The following KCMF1 variants were observed in gnomAD, a reference collection of about 807,000 sequenced individuals.
The protein encoded by KCMF1 is potassium channel modulatory factor 1.
Under a neutral mutation model 41.1 loss-of-function variants are expected in KCMF1, and 3 were observed. The ratio of observed to expected loss-of-function variants is 0.07; its 90% CI spans 0.03 to 0.19. The LOEUF (loss-of-function observed/expected upper bound fraction) is 0.19, where lower values mean the gene tolerates loss of function less well. KCMF1 is among the 10% of genes least tolerant of loss of function. The pLI is 1.00. For missense variants in KCMF1, 286 were observed against 488.9 expected (o/e 0.58, Z 3.91); for synonymous variants, 142 against 164.5 (o/e 0.86, Z 1.04).
intron 1 of KCMF1, among the ~76,000 whole-genome samples, chr2:84,987,277 A>G (rs1163924231): frequency 6.6e-6 from 1 of 152,222 alleles, no homozygotes; most frequent in Non-Finnish European, 1.5e-5. Flanking sequence ...AAAGGGAACA[A>G]TGAAAATTGG....
rs939703742 is a variant in KCMF1, at chr2:85,056,530, T to C, written c.*3121T>C. On this transcript the variant is annotated 3_prime_UTR_variant, in exon 7 of 7. Coordinates refer to ENST00000409785, the MANE Select transcript of KCMF1 (RefSeq NM_020122.5). ...TATATTTACTCCATGGATGTTGGGG[T>C]AAGCACATATATCAATAGTTCATAG... 3.4e-4 allele frequency: 52 copies of C among 152,142 alleles called. No homozygotes were observed. Among genetic ancestry groups the C allele is most frequent in the African/African-American group, 1.3e-3 (52 of 41,398 alleles). The allele number at this position is 152,142 out of a possible 1,614,324, so 9.4% of individuals were successfully genotyped here.
rs1238989382 is a variant in KCMF1, at chr2:85,059,362, G to A, written c.*5953G>A. 2 of 152,108 alleles carry A rather than the reference G, an allele frequency of 1.3e-5. No individual in the cohort carries two copies. Among genetic ancestry groups the A allele is most frequent in the Admixed American group, 6.5e-5 (1 of 15,272 alleles). The allele number at this position is 152,108 out of a possible 1,614,324, so 9.4% of individuals were successfully genotyped here. On this transcript the variant is annotated 3_prime_UTR_variant, in exon 7 of 7. Transcript: ENST00000409785. ...TTAGAATAAATTGCATATTGTATCA[G>A]GCTCCGAGACTAATTTGTACTGAAC...
chr2:84,993,342 C>T (rs1211530167), intron 1 of KCMF1, among the ~76,000 whole-genome samples: 2 of 152,120 alleles, frequency 1.3e-5, no homozygotes, highest in South Asian at 2.1e-4. Flanking sequence ...GAGCTCATCA[C>T]GACTGAGTAG....
chr2:85,011,734 C>G (rs904666508), intron 1 of KCMF1, among the ~76,000 whole-genome samples: 1 of 152,072 alleles, frequency 6.6e-6, no homozygotes, highest in African/African-American at 2.4e-5. Context: ...GAGTGTAAAC[C>G]GGAAGCAAGC....
Position 84,982,389 on chromosome 2 carries a change from C to CTTTTTTTTTTTTTTTTTTT in KCMF1, c.16+10937_16+10955dup, listed in dbSNP as rs34687477. Among the ~76,000 whole-genome samples the CTTTTTTTTTTTTTTTTTTT allele has an allele frequency of 1.0e-3, 49 of 47,270 alleles. 6 individuals carry two copies. The highest frequency in any genetic ancestry group is 4.1e-3 in the African/African-American group (46 of 11,244). The allele number at this position is 47,270 out of a possible 152,430, so 31.0% of individuals were successfully genotyped here. A position where few individuals can be genotyped will look rare whatever the true frequency, so the allele number is the denominator to read the frequency against. ...GAGTTACAGATGTGTTCCTTATTTT[C>CTTTTTTTTTTTTTTTTTTT]TTTTTTTTTTTTTTTTTTTTTTTTT... On this transcript the variant is annotated intron_variant, in intron 1 of 6. Transcript: ENST00000409785.
chr2:84,995,407 C>T (rs1344601927), intron 1 of KCMF1, among the ~76,000 whole-genome samples: 1 of 152,014 alleles, frequency 6.6e-6, no homozygotes, highest in Non-Finnish European at 1.5e-5. Context: ...AGGTTTTTGT[C>T]TTTGGTAAGA....
intron 4 of KCMF1, 38 bp from the exon 5 acceptor site, chr2:85,046,066 G>A (rs1341976259): frequency 6.5e-7 from 1 of 1,546,352 alleles, no homozygotes; most frequent in South Asian, 1.2e-5. Flanking sequence ...TTTTCTTTCT[G>A]TGAAATACTT....
intron 3 of KCMF1, among the ~76,000 whole-genome samples, chr2:85,036,867 T>C (rs1675414403): frequency 6.7e-6 from 1 of 148,934 alleles, no homozygotes; most frequent in Non-Finnish European, 1.5e-5. Flanking sequence ...TAATTGATAA[T>C]ATTTATTATT....
chr2:85,021,392 G>A (rs1312442790), intron 1 of KCMF1, among the ~76,000 whole-genome samples: 2 of 152,226 alleles, frequency 1.3e-5, no homozygotes, highest in Non-Finnish European at 2.9e-5. Context: ...GGGAGGCCAA[G>A]GCGGGCGGAT....
At chr2:84,995,352 A>T (rs1674150372) in intron 1 of KCMF1, among the ~76,000 whole-genome samples, 1 of 152,146 alleles carries the variant, frequency 6.6e-6, no homozygotes, top group African/African-American at 2.4e-5. Context: ...TTGCTATGAT[A>T]GATATGTTCA....
At position 85,046,126 on chromosome 2, in the gene KCMF1, A is replaced by G; in HGVS notation, c.449A>G (p.His150Arg). The change falls in exon 5 of 7, where the codon CAT becomes CGT. Residue 150 changes from histidine (H) to arginine (R), a missense_variant. Around this residue, in one of 2 missense-constraint regions of KCMF1, gnomAD observed 95 missense variants for 209.6 expected, o/e 0.45. Coordinates refer to ENST00000409785, the MANE Select transcript of KCMF1 (RefSeq NM_020122.5). The part of the protein sequence containing the change: ...RDLDESSGVR[H>R]VRRMFHPGRG... The stretch of plus-strand genomic sequence containing the variant: ...TATGATGAATCGAGTGGTGTTCGAC[A>G]TGTACGTAGAATGTTTCACCCTGGC... The G allele has an allele frequency of 1.2e-6, 2 of 1,613,458 alleles. No individual in the cohort carries two copies. The highest frequency in any genetic ancestry group is 8.5e-7 in the Non-Finnish European group (1 of 1,179,686).
chr2:85,016,314 AGTCT>A (rs903514682), intron 1 of KCMF1, among the ~76,000 whole-genome samples: 14 of 152,028 alleles, frequency 9.2e-5, no homozygotes, highest in African/African-American at 3.4e-4. Context: ...TCTCCTCTTG[AGTCT>A]GTCCCTTAAA....
chr2:85,048,906 T>G (rs1374805303), intron 5 of KCMF1, among the ~76,000 whole-genome samples: 1 of 152,174 alleles, frequency 6.6e-6, no homozygotes, highest in East Asian at 1.9e-4. Flanking sequence ...ATCCTAATAA[T>G]TCATTCAGTC....
chr2:84,974,672 TA>T (rs1673489123), intron 1 of KCMF1, among the ~76,000 whole-genome samples: 1 of 37,776 alleles, frequency 2.6e-5, no homozygotes, highest in Non-Finnish European at 5.3e-5. Context: ...TATATATATA[TA>T]TATATATATA....
At chr2:84,992,522 C>T (rs954427147) in intron 1 of KCMF1, among the ~76,000 whole-genome samples, 7 of 152,160 alleles carry the variant, frequency 4.6e-5, no homozygotes, top group African/African-American at 1.4e-4. Flanking sequence ...CGTTTTGGCT[C>T]TTAGTAACCA....
intron 4 of KCMF1, among the ~76,000 whole-genome samples, chr2:85,044,902 T>C (rs1441884978): frequency 6.6e-6 from 1 of 152,228 alleles, no homozygotes; most frequent in Non-Finnish European, 1.5e-5. Context: ...ACCAGAGCGA[T>C]TAATTTTGTG....
chr2:85,046,310 G>A, intron 5 of KCMF1, 32 bp downstream of exon 5: 2 of 1,576,368 alleles, frequency 1.3e-6, no homozygotes, highest in Admixed American at 1.8e-5. Context: ...AAGGGAAATG[G>A]CAGGGGAAGG....
intron 1 of KCMF1, among the ~76,000 whole-genome samples, chr2:85,018,019 A>G (rs1407305694): frequency 6.6e-6 from 1 of 152,166 alleles, no homozygotes; most frequent in East Asian, 1.9e-4. Flanking sequence ...ATGTGTTCAG[A>G]TATAACTTTT....
chr2:85,017,972 AG>A (rs1558577032), intron 1 of KCMF1, among the ~76,000 whole-genome samples: 1 of 152,156 alleles, frequency 6.6e-6, no homozygotes, highest in Non-Finnish European at 1.5e-5. Context: ...TTTGTTTTAC[AG>A]AACTGCTAAA....
Sources: gnomAD v4.1 joint callset for allele counts (sites outside exome capture counted in the v4.1 genomes callset) on GRCh38, gnomAD v4.1.1 for gene constraint, gnomAD v4.1.1 regional missense constraint, MANE v1.5 for transcripts, NCBI Gene and HGNC (gene_info 2026-07-23, HGNC 2026-07-21) for gene names.